ESRRG: variants seen among roughly 807,000 people sequenced by gnomAD.
ESRRG encodes the protein estrogen related receptor gamma, also known as estrogen-related receptor gamma.
In ESRRG, 13 loss-of-function variants were observed where a neutral mutation model predicts 44.0. The observed-to-expected ratio is 0.30, with a 90% CI of 0.19 to 0.47. ESRRG has a LOEUF of 0.47. Among genes scored for constraint, ESRRG ranks in the 20% least tolerant of loss-of-function variants. The pLI is 1.00. For synonymous variants in ESRRG, 215 were observed against 214.6 expected, an observed-to-expected ratio of 1.00 and a Z score of -0.02; for missense variants, 395 against 580.6, an observed-to-expected ratio of 0.68 and a Z score of 3.29.
intron 1 of ESRRG, among the ~76,000 whole-genome samples, chr1:216,963,287 G>A (rs1016236551): frequency 6.6e-6 from 1 of 152,128 alleles, no homozygotes; most frequent in African/African-American, 2.4e-5. Flanking sequence ...CTGATTACTA[G>A]GGAAGCGACA....
At position 216,821,922 on chromosome 1, in the gene ESRRG, C is replaced by G. The variant is rs369995842; in HGVS notation, c.-14+117660G>C. Among the ~76,000 whole-genome samples the G allele has an allele frequency of 2.6e-5, 4 of 151,774 alleles. No individual in the cohort carries two copies. The East Asian group carries it at 5.8e-4, about 22-fold the overall frequency. ...AAGCTGGGCTTTAAAACTGGCTCTA[C>G]GTGGGTTCAAAGCTTGGGATGCTGA... On this transcript the variant is annotated intron_variant, in intron 2 of 7. Transcript: ENST00000359162.
intron 2 of ESRRG, among the ~76,000 whole-genome samples, chr1:216,734,814 C>T (rs1040843655): frequency 7.9e-5 from 12 of 151,230 alleles, no homozygotes; most frequent in African/African-American, 2.2e-4. Flanking sequence ...ATTAGCTACT[C>T]ATTAAATGAA....
At chr1:216,601,042 T>C (rs2150144315) in intron 3 of ESRRG, among the ~76,000 whole-genome samples, 1 of 152,268 alleles carries the variant, frequency 6.6e-6, no homozygotes, top group Non-Finnish European at 1.5e-5. Flanking sequence ...CTCCCGTGGG[T>C]TGCTGAGGCC....
chr1:216,794,884 C>T (rs554420793), intron 2 of ESRRG, among the ~76,000 whole-genome samples: 25 of 152,324 alleles, frequency 1.6e-4, no homozygotes, highest in Admixed American at 1.6e-3. Flanking sequence ...CTCTAGCCTT[C>T]TTCTCTTCAG....
chr1:216,757,391 T>C (rs1301508597), intron 2 of ESRRG, among the ~76,000 whole-genome samples: 1 of 152,048 alleles, frequency 6.6e-6, no homozygotes, highest in Non-Finnish European at 1.5e-5. Flanking sequence ...AAACAAACCA[T>C]CTCTATAATA....
At chr1:216,900,246 G>A (rs2058912094) in intron 2 of ESRRG, among the ~76,000 whole-genome samples, 1 of 152,176 alleles carries the variant, frequency 6.6e-6, no homozygotes, top group East Asian at 1.9e-4. Context: ...CAAAGAAGAT[G>A]AGTTATCTCA....
chr1:217,067,927 T>C (rs1369030232), intron 1 of ESRRG, among the ~76,000 whole-genome samples: 1 of 152,182 alleles, frequency 6.6e-6, no homozygotes, highest in East Asian at 1.9e-4. Context: ...GTCGCTTTGA[T>C]GAAAGAATGT....
At chr1:217,072,277 A>T (rs2090657746) in intron 1 of ESRRG, among the ~76,000 whole-genome samples, 2 of 152,200 alleles carry the variant, frequency 1.3e-5, no homozygotes, top group African/African-American at 2.4e-5. Flanking sequence ...TATGCCAGGG[A>T]TGTGGTGATT....
intron 3 of ESRRG, among the ~76,000 whole-genome samples, chr1:216,649,337 TA>T (rs1559019611): frequency 1.3e-5 from 2 of 151,992 alleles, no homozygotes; most frequent in East Asian, 3.9e-4. Flanking sequence ...GGCTATACCA[TA>T]AAAAGTACCC....
At chr1:216,519,643 C>T (rs2045456117) in intron 5 of ESRRG, among the ~76,000 whole-genome samples, 1 of 151,908 alleles carries the variant, frequency 6.6e-6, no homozygotes, top group Admixed American at 6.6e-5. Context: ...TTTATAGACA[C>T]AGCTTAGGGG....
At chr1:217,056,524 G>A (rs762555550) in intron 1 of ESRRG, among the ~76,000 whole-genome samples, 3 of 151,842 alleles carry the variant, frequency 2.0e-5, no homozygotes, top group Non-Finnish European at 4.4e-5. Context: ...ATATTGTGTT[G>A]AGGGGTCCAG....
At position 216,963,336 on chromosome 1, in the gene ESRRG, A is replaced by G. The variant is rs151020392; in HGVS notation, c.-105-23663T>C. Among the ~76,000 whole-genome samples, 333 of 152,266 alleles carry G rather than the reference A, an allele frequency of 2.2e-3. 3 individuals carry two copies. In the East Asian group the frequency reaches 0.022, roughly 10 times the overall value. ...AGGTTATAAACCACCACTGCTTGAC[A>G]GAATGAAAACAATCTTGCTTAGAGG... On this transcript the variant is annotated intron_variant, in intron 1 of 7. Transcript: ENST00000359162.
At chr1:216,579,118 T>C (rs967905870) in intron 3 of ESRRG, among the ~76,000 whole-genome samples, 2 of 152,176 alleles carry the variant, frequency 1.3e-5, no homozygotes, top group African/African-American at 4.8e-5. Context: ...TTTGATCTCT[T>C]GTATGTTTTC....
chr1:216,569,762 G>T (rs1227981003), intron 3 of ESRRG, among the ~76,000 whole-genome samples: 1 of 152,176 alleles, frequency 6.6e-6, no homozygotes. Flanking sequence ...ATTTTGGCAT[G>T]TCTCAAACTG....
intron 2 of ESRRG, among the ~76,000 whole-genome samples, chr1:216,829,554 T>G (rs561366778): frequency 1.3e-5 from 2 of 151,940 alleles, no homozygotes; most frequent in Admixed American, 6.5e-5. Flanking sequence ...CCACAGTTTT[T>G]TTTTTTTTTT....
intron 1 of ESRRG, among the ~76,000 whole-genome samples, chr1:217,033,856 C>T (rs998196888): frequency 2.0e-5 from 3 of 152,152 alleles, no homozygotes; most frequent in African/African-American, 4.8e-5. Context: ...GAAGGAAACA[C>T]TGTTATTTCA....
intron 2 of ESRRG, among the ~76,000 whole-genome samples, chr1:216,854,353 C>CAAAAAAAAAAAAA (rs57421256): frequency 5.2e-4 from 35 of 67,122 alleles, no homozygotes; most frequent in South Asian, 8.2e-4. Flanking sequence ...AAGACACCAT[C>CAAAAAAAAAAAAA]AAAAAAAAAA....
chr1:217,089,668 C>G (rs1580541367), upstream of ESRRG: 1 of 152,230 alleles, frequency 6.6e-6, no homozygotes, highest in Middle Eastern at 3.4e-3. Flanking sequence ...GCGACCTCGG[C>G]AGGCGAGGGG....
intron 1 of ESRRG, among the ~76,000 whole-genome samples, chr1:217,120,068 C>A (rs1000365608): frequency 5.3e-5 from 8 of 152,260 alleles, no homozygotes; most frequent in African/African-American, 1.9e-4. Context: ...AAAGTGATCA[C>A]AAAGTATATG....
Sources: allele counts gnomAD v4.1 joint callset (sites outside exome capture counted in the v4.1 genomes callset), GRCh38; gene constraint gnomAD v4.1.1; transcripts MANE v1.5; gene names NCBI Gene and HGNC (gene_info 2026-07-23, HGNC 2026-07-21).